Variants in CORO2A observed in about 807,000 individuals in gnomAD.
CORO2A encodes the protein coronin-2A.
Under a neutral mutation model 62.4 loss-of-function variants are expected in CORO2A, and 47 were observed. The ratio of observed to expected loss-of-function variants is 0.75; its 90% confidence interval spans 0.60 to 0.96. CORO2A has a LOEUF of 0.96. Among genes scored for constraint, CORO2A ranks in the 40% least tolerant of loss-of-function variants. The probability of loss-of-function intolerance (pLI) is 0.00; values close to 1 mark genes in which losing one functional copy is unlikely to be tolerated. For synonymous variants in CORO2A, 273 were observed against 268.9 expected (o/e 1.02, Z -0.15); for missense variants, 610 against 684.1 (o/e 0.89, Z 1.21).
intron 9 of CORO2A, 82 bp from the exon 10 acceptor site, chr9:98,128,342 G>C (rs1328445520): frequency 1.8e-6 from 2 of 1,128,804 alleles, no homozygotes; most frequent in Admixed American, 3.9e-5. Context: ...GGGAGTCCAG[G>C]CTCTCACCAA....
intron 2 of CORO2A, among the ~76,000 whole-genome samples, chr9:98,140,341 G>T (rs1213244002): frequency 6.6e-6 from 1 of 152,092 alleles, no homozygotes; most frequent in Non-Finnish European, 1.5e-5. Flanking sequence ...ATAGTCTTGG[G>T]ATTTTTTCTA....
intron 1 of CORO2A, among the ~76,000 whole-genome samples, chr9:98,176,043 G>A (rs1828105118): frequency 6.6e-6 from 1 of 152,186 alleles, no homozygotes; most frequent in Admixed American, 6.5e-5. Flanking sequence ...TTTGAGCAGG[G>A]CTTACAGATT....
intron 1 of CORO2A, among the ~76,000 whole-genome samples, chr9:98,161,323 G>T (rs967024803): frequency 6.6e-6 from 1 of 152,170 alleles, no homozygotes; most frequent in East Asian, 1.9e-4. Flanking sequence ...GGAGGCTGAG[G>T]TGGGGGGATC....
intron 1 of CORO2A, among the ~76,000 whole-genome samples, chr9:98,180,623 A>C (rs1019458205): frequency 6.6e-6 from 1 of 152,072 alleles, no homozygotes; most frequent in African/African-American, 2.4e-5. Flanking sequence ...TTGACTGCAC[A>C]GTGAACTCTG....
chr9:98,135,076 C>A, intron 3 of CORO2A, 121 bp from the exon 4 acceptor site: 1 of 1,305,708 alleles, frequency 7.7e-7, no homozygotes, highest in Non-Finnish European at 1.0e-6. Context: ...TCCATAGCCA[C>A]CTCCCACTCA....
chr9:98,190,532 G>C (rs905999032), intron 1 of CORO2A, among the ~76,000 whole-genome samples: 4 of 152,106 alleles, frequency 2.6e-5, no homozygotes, highest in Non-Finnish European at 5.9e-5. Context: ...TGTGACCTTT[G>C]CCCAGTCACA....
intron 1 of CORO2A, among the ~76,000 whole-genome samples, chr9:98,166,791 G>A (rs1390430707): frequency 6.6e-6 from 1 of 152,020 alleles, no homozygotes; most frequent in Non-Finnish European, 1.5e-5. Context: ...ACAGATGAAC[G>A]GATCAGTAAA....
intron 1 of CORO2A, among the ~76,000 whole-genome samples, chr9:98,181,254 C>T (rs888230324): frequency 6.6e-6 from 1 of 151,952 alleles, no homozygotes; most frequent in African/African-American, 2.4e-5. Context: ...ACCCACGTGG[C>T]CTCCTTCTTC....
intron 3 of CORO2A, among the ~76,000 whole-genome samples, chr9:98,136,696 T>G (rs1267145304): frequency 6.6e-6 from 1 of 152,250 alleles, no homozygotes; most frequent in African/African-American, 2.4e-5. Context: ...TGTACCTCTC[T>G]GATCCTCAGC....
intron 1 of CORO2A, among the ~76,000 whole-genome samples, chr9:98,158,836 A>AACC (rs1554745562): frequency 7.0e-4 from 104 of 149,358 alleles, no homozygotes; most frequent in Non-Finnish European, 1.3e-3. Flanking sequence ...AAAAGAAGAA[A>AACC]ACACACACAC....
chr9:98,123,383 T>C lies in CORO2A; in HGVS notation c.*1391A>G, dbSNP rs1237298846. 2.6e-5 allele frequency: 4 copies of C among 152,188 alleles called. No homozygotes were observed. The highest frequency in any genetic ancestry group is 7.2e-5 in the African/African-American group (3 of 41,444). The allele number at this position is 152,188 out of a possible 1,614,324, so 9.4% of individuals were successfully genotyped here. A position where few individuals can be genotyped will look rare whatever the true frequency, so the allele number is the denominator to read the frequency against. ...AAAAAATTTTTTTTTCCTAGCAGAA[T>C]TGTTTTTCATACTAGCCCAACATAT... is the stretch of plus-strand genomic sequence containing the variant. On this transcript the variant is annotated 3_prime_UTR_variant, in exon 12 of 12. Transcript: ENST00000375077.
chr9:98,182,868 T>G (rs1828195158), intron 1 of CORO2A, among the ~76,000 whole-genome samples: 1 of 152,220 alleles, frequency 6.6e-6, no homozygotes, highest in African/African-American at 2.4e-5. Context: ...AACTTACAGT[T>G]TCTGTTGCTT....
chr9:98,172,031 C>A (rs925602926), intron 1 of CORO2A, among the ~76,000 whole-genome samples: 19 of 152,062 alleles, frequency 1.2e-4, no homozygotes, highest in South Asian at 1.0e-3. Flanking sequence ...TGTCCAGCTC[C>A]AGTGGGCTGG....
chr9:98,153,619 G>A (rs998353724), intron 2 of CORO2A, among the ~76,000 whole-genome samples: 1 of 146,760 alleles, frequency 6.8e-6, no homozygotes, highest in African/African-American at 2.5e-5. Context: ...ATACTGCCCA[G>A]GCTATATGTC....
In CORO2A at chr9:98,128,682, G is replaced by A. The variant is rs894065931; in HGVS notation, c.1005C>T (p.Cys335=). 5.0e-6 allele frequency: 8 copies of A among 1,614,160 alleles called. No homozygotes were observed. The highest frequency in any genetic ancestry group is 6.8e-6 in the Non-Finnish European group (8 of 1,180,032). The part of the protein sequence containing the change: ...MPKRGLDVSS[C]EIFRFYKLIT... Reference sequence around the variant, plus strand: ...TCAGCTTGTAGAAGCGGAAGATCTCGCAGGAGGACACGTCGAGTCCTCTCT... The same window carrying A: ...TCAGCTTGTAGAAGCGGAAGATCTCACAGGAGGACACGTCGAGTCCTCTCT... The change falls in exon 9 of 12, where the codon TGC becomes TGT. Residue 335 remains cysteine (C), a synonymous_variant. Coordinates refer to ENST00000375077, the MANE Select transcript of CORO2A (RefSeq NM_052820.4).
At chr9:98,133,629 C>T (rs1158279594) in intron 4 of CORO2A, among the ~76,000 whole-genome samples, 2 of 152,156 alleles carry the variant, frequency 1.3e-5, no homozygotes, top group Non-Finnish European at 2.9e-5. Context: ...GTGACTAGTG[C>T]CCCCTGAAGT....
chr9:98,125,842 A>G (rs1171568550), intron 11 of CORO2A, among the ~76,000 whole-genome samples: 7 of 140,592 alleles, frequency 5.0e-5, no homozygotes, highest in African/African-American at 1.9e-4. Context: ...CTCAGCCTCC[A>G]GAGTAGCTGG....
intron 1 of CORO2A, among the ~76,000 whole-genome samples, chr9:98,161,923 G>A (rs971359700): frequency 3.9e-5 from 6 of 152,166 alleles, no homozygotes; most frequent in African/African-American, 1.4e-4. Context: ...CAACTCCTGA[G>A]AGCCACTCTC....
intron 3 of CORO2A, among the ~76,000 whole-genome samples, chr9:98,136,429 A>C (rs925100546): frequency 2.0e-5 from 3 of 152,176 alleles, no homozygotes; most frequent in African/African-American, 7.2e-5. Context: ...TTTTGATCTA[A>C]CTGAAGGTTT....
Sources: allele counts gnomAD v4.1 joint callset (sites outside exome capture counted in the v4.1 genomes callset), GRCh38; gene constraint gnomAD v4.1.1; transcripts MANE v1.5; gene names NCBI Gene and HGNC (gene_info 2026-07-23, HGNC 2026-07-21).